DCDC2C: variants seen among roughly 807,000 people sequenced by gnomAD.
The protein encoded by DCDC2C is doublecortin domain containing 2C.
Under a neutral mutation model 45.0 loss-of-function variants are expected in DCDC2C, and 44 were observed. The observed-to-expected ratio is 0.98, with a 90% CI of 0.77 to 1.26. DCDC2C has a LOEUF of 1.26. Among genes scored for constraint, DCDC2C ranks in the 50% most tolerant of loss-of-function variants. The probability of loss-of-function intolerance (pLI) is 0.00; values close to 1 mark genes in which losing one functional copy is unlikely to be tolerated. For synonymous variants in DCDC2C, 187 were observed against 178.8 expected (o/e 1.05, Z -0.37); for missense variants, 447 against 468.9 (o/e 0.95, Z 0.43).
At chr2:3,765,038 A>G (rs1329920554) in intron 6 of DCDC2C, among the ~76,000 whole-genome samples, 1 of 152,252 alleles carries the variant, frequency 6.6e-6, no homozygotes, top group Non-Finnish European at 1.5e-5. Flanking sequence ...CGTCTTCAGT[A>G]TTAAGTACTA....
intron 10 of DCDC2C, among the ~76,000 whole-genome samples, chr2:3,830,281 T>C (rs1277598470): frequency 6.6e-6 from 1 of 152,124 alleles, no homozygotes; most frequent in African/African-American, 2.4e-5. Flanking sequence ...ATCCTGGAAA[T>C]AACGAGTGCT....
At chr2:3,722,262 T>C (rs1668523245) in intron 2 of DCDC2C, among the ~76,000 whole-genome samples, 1 of 152,252 alleles carries the variant, frequency 6.6e-6, no homozygotes, top group Non-Finnish European at 1.5e-5. Flanking sequence ...TACATGGGTA[T>C]GGATTTCAGG....
intron 10 of DCDC2C, among the ~76,000 whole-genome samples, chr2:3,837,618 G>A (rs1672113002): frequency 4.9e-5 from 5 of 101,934 alleles, no homozygotes; most frequent in African/African-American, 6.5e-5. Context: ...GGAAGAAACT[G>A]AGGAAGAAAT....
At chr2:3,718,093 G>T in intron 2 of DCDC2C, among the ~76,000 whole-genome samples, 1 of 152,176 alleles carries the variant, frequency 6.6e-6, no homozygotes, top group East Asian at 1.9e-4. Flanking sequence ...GGCCAGGAGT[G>T]GTGTTGGTCT....
chr2:3,725,443 C>T (rs1402818460), intron 2 of DCDC2C, among the ~76,000 whole-genome samples: 15 of 97,138 alleles, frequency 1.5e-4, no homozygotes, highest in East Asian at 3.1e-4. Context: ...CAGAGGAAGA[C>T]GAGCAGAGAG....
At chr2:3,724,797 G>T (rs539013393) in intron 2 of DCDC2C, among the ~76,000 whole-genome samples, 23 of 152,252 alleles carry the variant, frequency 1.5e-4, no homozygotes, top group Middle Eastern at 3.4e-3. Context: ...CCCAGTTGTT[G>T]GCCTGACATT....
chr2:3,721,235 C>A (rs1386754480), intron 2 of DCDC2C, among the ~76,000 whole-genome samples: 1 of 151,992 alleles, frequency 6.6e-6, no homozygotes, highest in African/African-American at 2.4e-5. Flanking sequence ...TTTTCTATTT[C>A]ATTGCATCTG....
chr2:3,726,884 A>T, intron 2 of DCDC2C, 119 bp from the exon 3 acceptor site: 1 of 866,128 alleles, frequency 1.2e-6, no homozygotes, highest in Non-Finnish European at 1.8e-6. Context: ...TGGGTGTTCT[A>T]TTGACAAAGG....
chr2:3,838,330 A>T (rs1672130014), intron 10 of DCDC2C, among the ~76,000 whole-genome samples: 1 of 152,094 alleles, frequency 6.6e-6, no homozygotes, highest in African/African-American at 2.4e-5. Context: ...TGGTAATCGC[A>T]GGGTCTAGGG....
intron 4 of DCDC2C, among the ~76,000 whole-genome samples, chr2:3,743,964 G>T (rs1043432434): frequency 2.8e-4 from 42 of 152,322 alleles, no homozygotes; most frequent in African/African-American, 1.0e-3. Context: ...AGCTACTTGG[G>T]AGCCTGAGGC....
chr2:3,751,033 G>A (rs1266099083), intron 4 of DCDC2C, among the ~76,000 whole-genome samples: 1 of 152,094 alleles, frequency 6.6e-6, no homozygotes, highest in Non-Finnish European at 1.5e-5. Context: ...CACGACTTGT[G>A]TTTCACATCA....
At chr2:3,740,456 A>G (rs1272903267) in intron 3 of DCDC2C, among the ~76,000 whole-genome samples, 1 of 152,224 alleles carries the variant, frequency 6.6e-6, no homozygotes, top group Non-Finnish European at 1.5e-5. Flanking sequence ...CTGTTTCTCA[A>G]TACTCAGGAT....
chr2:3,749,239 G>A (rs554151777), intron 4 of DCDC2C, among the ~76,000 whole-genome samples: 2 of 152,200 alleles, frequency 1.3e-5, no homozygotes, highest in African/African-American at 4.8e-5. Flanking sequence ...GCAAATGGCC[G>A]TTGCATTTAG....
rs547843135 is a variant in DCDC2C at position 3,732,744 on chromosome 2, C to T, written c.416+5665C>T. 1.5e-3 allele frequency among the ~76,000 whole-genome samples: 235 copies of T among 152,100 alleles called. 4 individuals are homozygous for T. In the South Asian group the frequency reaches 0.044, roughly 28 times the overall value. ...TTAGCCAGGAGGTGTAGGGCATTCT[C>T]GTGGTCTTCCTGTAGTGGTTTCAAA... On this transcript the variant is annotated intron_variant, in intron 3 of 10. Transcript: ENST00000399143.
chr2:3,745,464 C>A (rs60678889), intron 4 of DCDC2C, among the ~76,000 whole-genome samples: 2,287 of 152,058 alleles, frequency 0.015, 60 homozygotes, highest in African/African-American at 0.052. Context: ...TTGGGTTTAG[C>A]AAAAGTGCAG....
intron 4 of DCDC2C, among the ~76,000 whole-genome samples, chr2:3,747,089 CAG>C (rs1031418728): frequency 2.0e-5 from 3 of 152,118 alleles, no homozygotes; most frequent in African/African-American, 7.2e-5. Context: ...TGGCTACATG[CAG>C]AGTTTTACGA....
chr2:3,790,904 C>T (rs138438136), intron 10 of DCDC2C, among the ~76,000 whole-genome samples: 1,599 of 152,134 alleles, frequency 0.011, 16 homozygotes, highest in South Asian at 0.029. Flanking sequence ...GTCAGGAGAT[C>T]GAGACCATCC....
chr2:3,758,017 T>C (rs892333021), intron 6 of DCDC2C, among the ~76,000 whole-genome samples: 1 of 152,158 alleles, frequency 6.6e-6, no homozygotes, highest in Non-Finnish European at 1.5e-5. Context: ...GGGATCCAGA[T>C]TTAAGCAAGG....
At chr2:3,843,563 A>T (rs56209116) in intron 10 of DCDC2C, among the ~76,000 whole-genome samples, 50 of 152,320 alleles carry the variant, frequency 3.3e-4, no homozygotes, top group Non-Finnish European at 5.4e-4. Flanking sequence ...TAATGTTAGC[A>T]TCAGGAAATG....
Sources: allele counts gnomAD v4.1 joint callset (sites outside exome capture counted in the v4.1 genomes callset), GRCh38; gene constraint gnomAD v4.1.1; transcripts MANE v1.5; gene names NCBI Gene and HGNC (gene_info 2026-07-23, HGNC 2026-07-21).